The following RAB5B variants were observed in gnomAD, a reference collection of about 807,000 sequenced individuals.
The protein encoded by RAB5B is ras-related protein Rab-5B.
Under a neutral mutation model 28.6 loss-of-function variants are expected in RAB5B, and 11 were observed. The ratio of observed to expected loss-of-function variants is 0.38; its 90% confidence interval spans 0.24 to 0.64. The LOEUF (loss-of-function observed/expected upper bound fraction) is 0.64. Among genes scored for constraint, RAB5B ranks in the 30% least tolerant of loss-of-function variants. The pLI is 0.53. For synonymous variants in RAB5B, 93 were observed against 97.9 expected, an observed-to-expected ratio of 0.95 and a Z score of 0.29; for missense variants, 169 against 265.6, an observed-to-expected ratio of 0.64 and a Z score of 2.53.
chr12:55,979,715 T>A (rs1325792814), intron 1 of RAB5B, among the ~76,000 whole-genome samples: 1 of 152,200 alleles, frequency 6.6e-6, no homozygotes, highest in Non-Finnish European at 1.5e-5. Flanking sequence ...GGCCTGGGTC[T>A]TCTTAATTTG....
intron 1 of RAB5B, among the ~76,000 whole-genome samples, chr12:55,982,132 A>G (rs910330586): frequency 1.3e-5 from 2 of 150,982 alleles, no homozygotes; most frequent in African/African-American, 4.9e-5. Context: ...GTTAAATCTG[A>G]TTTCTTCTCT....
Position 55,991,449 on chromosome 12 carries a change from A to C in RAB5B, c.528A>C (p.Ala176=), listed in dbSNP as rs1206547914. ...TAMNVNDLFL[A]IAKKLPKSEP... Reference sequence around the variant, plus strand: ...TGAACGTGAATGATCTCTTCCTGGCAATAGGTAAGGTCAGAACATCCTGAG... The same window carrying C: ...TGAACGTGAATGATCTCTTCCTGGCCATAGGTAAGGTCAGAACATCCTGAG... The change falls in exon 5 of 6, where the codon GCA becomes GCC. Residue 176 remains alanine, a synonymous_variant. Coordinates refer to ENST00000360299, the MANE Select transcript of RAB5B (RefSeq NM_002868.4). The C allele has an allele frequency of 6.2e-7, 1 of 1,612,514 alleles. No homozygotes were observed.
chr12:55,977,288 TGTG>T (rs1889673821), intron 1 of RAB5B, among the ~76,000 whole-genome samples: 1 of 152,008 alleles, frequency 6.6e-6, no homozygotes, highest in Non-Finnish European at 1.5e-5. Flanking sequence ...TGTGCGTGTG[TGTG>T]TGTGTGTTTT....
rs372992778 is a variant in RAB5B at position 55,992,091 on chromosome 12, C to T, written c.533-6C>T. 2 of 1,611,188 alleles carry T rather than the reference C, an allele frequency of 1.2e-6. No individual in the cohort carries two copies. The highest frequency in any genetic ancestry group is 2.2e-5 in the East Asian group (1 of 44,862). On this transcript the variant is annotated splice_polypyrimidine_tract_variant and splice_region_variant and intron_variant, in intron 5 of 5. Transcript: ENST00000360299. The stretch of plus-strand genomic sequence containing the variant: ...ATACTTTGTTCTCTTCTCTTTTTAT[C>T]TCTAGCTAAGAAGTTGCCAAAGAGT...
intron 1 of RAB5B, among the ~76,000 whole-genome samples, chr12:55,976,299 G>T (rs1247035467): frequency 6.6e-6 from 1 of 152,028 alleles, no homozygotes; most frequent in East Asian, 1.9e-4. Flanking sequence ...TCCCTTCTGG[G>T]ATGATACTCT....
At chr12:55,980,200 C>G (rs1445769379) in intron 1 of RAB5B, among the ~76,000 whole-genome samples, 1 of 152,156 alleles carries the variant, frequency 6.6e-6, no homozygotes, top group Non-Finnish European at 1.5e-5. Flanking sequence ...TTCCTACCTC[C>G]TTGCCTTCGT....
At chr12:55,984,433 C>G (rs1043446738) in intron 1 of RAB5B, among the ~76,000 whole-genome samples, 12 of 152,040 alleles carry the variant, frequency 7.9e-5, no homozygotes, top group African/African-American at 2.9e-4. Flanking sequence ...CCTGATCTGC[C>G]TGCCTTTGCC....
Position 55,990,062 on chromosome 12 carries a change from C to T in RAB5B, c.279C>T (p.Ala93=), listed in dbSNP as rs755264911. The part of the protein sequence containing the change: ...HSLAPMYYRG[A]QAAIVVYDIT... Reference sequence around the variant, plus strand: ...TAGCCCCCATGTACTACAGGGGTGCCCAAGCTGCAATCGTGGTTTACGACA... The same window carrying T: ...TAGCCCCCATGTACTACAGGGGTGCTCAAGCTGCAATCGTGGTTTACGACA... Residue 93 remains alanine, a synonymous_variant, in exon 3 of 6, where the codon GCC becomes GCT. Transcript: ENST00000360299. 2 of 1,614,120 alleles carry T rather than the reference C, an allele frequency of 1.2e-6. No homozygotes were observed. The highest frequency in any genetic ancestry group is 1.7e-6 in the Non-Finnish European group (2 of 1,180,002).
chr12:55,990,581 A>AAG, intron 3 of RAB5B, 101 bp from the exon 4 acceptor site: 1 of 1,441,356 alleles, frequency 6.9e-7, no homozygotes, highest in Non-Finnish European at 9.6e-7. Flanking sequence ...TCACTGAGGG[A>AAG]AGACCACCTA....
chr12:55,975,790 CT>C (rs1163535431), intron 1 of RAB5B, among the ~76,000 whole-genome samples: 6,091 of 115,120 alleles, frequency 0.053, 92 homozygotes, highest in African/African-American at 0.17. Context: ...CACTACATTT[CT>C]TTTTTTTTTT....
In RAB5B at chr12:55,993,843, C is replaced by T. The variant is rs1890209445; in HGVS notation, c.*1631C>T. 6.6e-6 allele frequency: 1 copy of T among 152,432 alleles called. No homozygotes were observed. The highest frequency in any genetic ancestry group is 1.5e-5 in the Non-Finnish European group (1 of 68,038). The allele number at this position is 152,432 out of a possible 1,614,324, so 9.4% of individuals were successfully genotyped here. ...GGCACTGAAGGTACCTTACAACTGG[C>T]TCATATTATCAGAGGACCTTGGTCC... On this transcript the variant is annotated 3_prime_UTR_variant, in exon 6 of 6. Transcript: ENST00000360299.
In RAB5B at chr12:55,982,212, G is replaced by A. The variant is rs186148140; in HGVS notation, c.-92-4657G>A. ...CCTTTTTTTTGTCTCGGGTTTGAAG[G>A]TAATAATCATCATACCACTTGACTG... On this transcript the variant is annotated intron_variant, in intron 1 of 5. Transcript: ENST00000360299. Among the ~76,000 whole-genome samples, 8 of 145,188 alleles carry A rather than the reference G, an allele frequency of 5.5e-5. No homozygotes were observed. The East Asian group carries it at 1.4e-3, about 26-fold the overall frequency.
At position 55,992,276 on chromosome 12, in the gene RAB5B, T is replaced by C; in HGVS notation, c.*64T>C. 7.3e-7 allele frequency: 1 copy of C among 1,370,674 alleles called. No individual in the cohort carries two copies. The highest frequency in any genetic ancestry group is 1.2e-5 in the South Asian group (1 of 83,740). The allele number at this position is 1,370,674 out of a possible 1,614,324, so 84.9% of individuals were successfully genotyped here. On this transcript the variant is annotated 3_prime_UTR_variant, in exon 6 of 6. Transcript: ENST00000360299. ...AGAGCTAAGAAATAACCTCCATCCC[T>C]ACCCCTCAGCACACAACCCCTACGG...
chr12:55,978,330 T>C (rs1889701760), intron 1 of RAB5B, among the ~76,000 whole-genome samples: 1 of 151,976 alleles, frequency 6.6e-6, no homozygotes, highest in Non-Finnish European at 1.5e-5. Context: ...AAACCCCGTC[T>C]CTACTAAACA....
In RAB5B at chr12:55,996,469, CTT is replaced by C. The variant is rs1890310954; in HGVS notation, c.*4258_*4259del. 6.6e-6 allele frequency: 1 copy of C among 152,066 alleles called. No homozygotes were observed. The highest frequency in any genetic ancestry group is 6.6e-5 in the Admixed American group (1 of 15,266). 9.4% of individuals were successfully genotyped at this position (152,066 alleles called of 1,614,324 possible). A position where few individuals can be genotyped will look rare whatever the true frequency, so the allele number is the denominator to read the frequency against. ...TTCGGGGTGTTAAGCTGCCATTGCT[CTT>C]GTTAAGGGGCAGTTTGTTTTTTAAG... On this transcript the variant is annotated 3_prime_UTR_variant, in exon 6 of 6. Coordinates refer to ENST00000360299, the MANE Select transcript of RAB5B (RefSeq NM_002868.4).
chr12:55,985,337 C>T (rs934646608), intron 1 of RAB5B, among the ~76,000 whole-genome samples: 2 of 152,126 alleles, frequency 1.3e-5, no homozygotes, highest in Non-Finnish European at 2.9e-5. Flanking sequence ...TGATGTTTCC[C>T]CACATATGCC....
At chr12:55,991,268 A>G in intron 4 of RAB5B, 92 bp from the exon 5 acceptor site, 2 of 920,970 alleles carry the variant, frequency 2.2e-6, no homozygotes, top group Non-Finnish European at 1.8e-6. Context: ...GGAACCTAGG[A>G]TTTTGCCTAG....
chr12:55,989,397 C>T (rs191587969), intron 2 of RAB5B, among the ~76,000 whole-genome samples: 2 of 152,312 alleles, frequency 1.3e-5, no homozygotes, highest in East Asian at 1.9e-4. Context: ...GCCTCAGCCT[C>T]CCGAGTAGCT....
intron 2 of RAB5B, among the ~76,000 whole-genome samples, chr12:55,988,978 G>A (rs1365794885): frequency 1.9e-5 from 2 of 104,112 alleles, no homozygotes; most frequent in Non-Finnish European, 3.5e-5. Flanking sequence ...GTCTCACCCT[G>A]TTGCCCAGGC....
Sources: allele counts gnomAD v4.1 joint callset (sites outside exome capture counted in the v4.1 genomes callset), GRCh38; gene constraint gnomAD v4.1.1; transcripts MANE v1.5; gene names NCBI Gene and HGNC (gene_info 2026-07-23, HGNC 2026-07-21).